The following ASH1L variants were observed in gnomAD, a reference collection of about 807,000 sequenced individuals.
ASH1L encodes histone-lysine N-methyltransferase ASH1L.
A neutral mutation model predicts 269.0 loss-of-function variants in ASH1L; 23 were observed. That is an observed-to-expected ratio of 0.09 (90% CI 0.06 to 0.12). ASH1L has a LOEUF of 0.12. Among genes scored for constraint, ASH1L ranks in the 10% least tolerant of loss-of-function variants. The probability of loss-of-function intolerance (pLI) is 1.00; values close to 1 mark genes in which losing one functional copy is unlikely to be tolerated. For synonymous variants in ASH1L, 1,187 were observed against 1,253.5 expected, an observed-to-expected ratio of 0.95 and a Z score of 1.12; for missense variants, 2,912 against 3,567.8, an observed-to-expected ratio of 0.82 and a Z score of 4.68.
At chr1:155,437,205 C>T (rs749116532) in intron 5 of ASH1L, among the ~76,000 whole-genome samples, 24 of 151,916 alleles carry the variant, frequency 1.6e-4, no homozygotes, top group African/African-American at 2.4e-4. Context: ...GCTTATATGC[C>T]GGTTAAGAGA....
intron 3 of ASH1L, among the ~76,000 whole-genome samples, chr1:155,476,203 G>C (rs1370572184): frequency 6.6e-6 from 1 of 151,992 alleles, no homozygotes. Flanking sequence ...TGGCTAACAC[G>C]GTGAAACCCT....
intron 4 of ASH1L, among the ~76,000 whole-genome samples, chr1:155,457,248 T>C (rs1663925535): frequency 6.6e-6 from 1 of 152,292 alleles, no homozygotes; most frequent in East Asian, 1.9e-4. Flanking sequence ...TTGTTAGAAA[T>C]TGTTCAGTAG....
chr1:155,533,945 T>C (rs576658571), intron 1 of ASH1L, among the ~76,000 whole-genome samples: 76 of 152,158 alleles, frequency 5.0e-4, no homozygotes, highest in Admixed American at 6.5e-4. Context: ...AAAATATGTT[T>C]TGAGAATTGT....
chr1:155,482,790 T>A (rs1487334031), intron 2 of ASH1L, among the ~76,000 whole-genome samples: 1 of 152,160 alleles, frequency 6.6e-6, no homozygotes, highest in Non-Finnish European at 1.5e-5. Flanking sequence ...ATGAAGCATA[T>A]GAAGTTACCA....
intron 12 of ASH1L, 34 bp from the exon 13 acceptor site, chr1:155,360,443 G>A: frequency 7.0e-7 from 1 of 1,431,204 alleles, no homozygotes. Context: ...ATAAAGGCTG[G>A]AAATTTTTTT....
At chr1:155,519,960 GTACAT>G (rs2148838657) in intron 2 of ASH1L, among the ~76,000 whole-genome samples, 1 of 152,154 alleles carries the variant, frequency 6.6e-6, no homozygotes, top group East Asian at 1.9e-4. Flanking sequence ...CGCCCGGCAA[GTACAT>G]TCGATATTAC....
chr1:155,543,509 CAAAA>C, intron 1 of ASH1L, among the ~76,000 whole-genome samples: 1 of 57,436 alleles, frequency 1.7e-5, no homozygotes, highest in Middle Eastern at 0.011. Context: ...GACTCTGTCT[CAAAA>C]AAAAAAAAAA....
At chr1:155,375,233 T>G (rs538417842) in intron 10 of ASH1L, among the ~76,000 whole-genome samples, 1 of 152,314 alleles carries the variant, frequency 6.6e-6, no homozygotes, top group African/African-American at 2.4e-5. Context: ...TTTTAAAAGA[T>G]TTCTTCCAGG....
At chr1:155,544,583 G>A (rs765229760) in intron 1 of ASH1L, among the ~76,000 whole-genome samples, 4 of 151,952 alleles carry the variant, frequency 2.6e-5, no homozygotes, top group Non-Finnish European at 4.4e-5. Context: ...CACCGTGCCC[G>A]GCCGAGAAAC....
chr1:155,481,075 C>T lies in ASH1L; in HGVS notation c.1795G>A (p.Val599Ile), dbSNP rs772357063. 1.9e-6 allele frequency: 3 copies of T among 1,614,064 alleles called. No individual in the cohort carries two copies. In the Admixed American group the frequency reaches 5.0e-5, roughly 27 times the overall value. The change falls in exon 3 of 28, where the codon GTT (valine) becomes ATT (isoleucine). Residue 599 changes from valine to isoleucine, a missense_variant. Coordinates refer to ENST00000392403, the MANE Select transcript of ASH1L (RefSeq NM_018489.3). ...TELIEEISES[V>I]GKNQFTSEST... ...TCAGAAGTAAACTGGTTCTTTCCAA[C>T]AGATTCAGAAATTTCTTCGATTAGT...
At position 155,338,271 on chromosome 1, in the gene ASH1L, G is replaced by A; in HGVS notation, c.8621C>T (p.Pro2874Leu). ...ASQEQAANEI[P>L]SLEEPEREGA... ...TTCCCGTTCTGGCTCCTCCAGGCTG[G>A]GTATCTCATTGGCTGCTTGCTCTTG... The change falls in exon 27 of 28, where the codon CCC becomes CTC. Residue 2874 changes from proline to leucine, a missense_variant. Physicochemically the swap from Pro to Leu is moderately conservative, Grantham distance 98. Transcript: ENST00000392403. The A allele has an allele frequency of 6.2e-7, 1 of 1,613,904 alleles. No individual in the cohort carries two copies. Among genetic ancestry groups the A allele is most frequent in the East Asian group, 2.2e-5 (1 of 44,868 alleles).
intron 7 of ASH1L, among the ~76,000 whole-genome samples, chr1:155,386,410 C>T (rs143415071): frequency 3.3e-5 from 5 of 151,872 alleles, no homozygotes; most frequent in Non-Finnish European, 4.4e-5. Flanking sequence ...TGTTTTGAGA[C>T]GGAGTCTTAC....
At chr1:155,397,618 CT>C (rs1286427462) in intron 6 of ASH1L, among the ~76,000 whole-genome samples, 1 of 152,050 alleles carries the variant, frequency 6.6e-6, no homozygotes, top group Non-Finnish European at 1.5e-5. Flanking sequence ...GTGGCATGAT[CT>C]TGGTTCACTG....
chr1:155,433,752 A>G (rs754990268), intron 5 of ASH1L: 6 of 1,604,212 alleles, frequency 3.7e-6, no homozygotes, highest in Middle Eastern at 1.6e-4. Context: ...GAGGGTCTGC[A>G]GCTTAGCTTC....
chr1:155,562,168 G>C lies in ASH1L; in HGVS notation c.-115C>G, dbSNP rs775868792. The C allele has an allele frequency of 2.5e-6, 4 of 1,592,506 alleles. No homozygotes were observed. Among genetic ancestry groups the C allele is most frequent in the Admixed American group, 3.4e-5 (2 of 59,258 alleles). On this transcript the variant is annotated 5_prime_UTR_variant, in exon 1 of 28. Transcript: ENST00000392403. ...TTCTACTCACCGTGTCGGAGGCCGA[G>C]GCCGAGGCCGAGAGCGATGAGAGTG... is the stretch of plus-strand genomic sequence containing the variant.
chr1:155,365,442 C>T (rs151338539), intron 12 of ASH1L, among the ~76,000 whole-genome samples: 1,501 of 146,040 alleles, frequency 0.01, 29 homozygotes, highest in African/African-American at 0.037. Context: ...AGGCTAGTCT[C>T]GAACTCCTGA....
At chr1:155,341,386 C>A (rs563220088) in intron 25 of ASH1L, among the ~76,000 whole-genome samples, 2 of 152,252 alleles carry the variant, frequency 1.3e-5, no homozygotes, top group African/African-American at 4.8e-5. Flanking sequence ...CCGTGTTAGC[C>A]AGGATGGTCT....
Position 155,335,729 on chromosome 1 carries a change from C to T in ASH1L, c.*1931G>A, listed in dbSNP as rs1652254820. On this transcript the variant is annotated 3_prime_UTR_variant, in exon 28 of 28. Transcript: ENST00000392403. ...AAGATAAAATGACAGAGCGTAGTGT[C>T]TTTTGCTTCTGTTCTCGCATTTTAC... 1.3e-5 allele frequency: 2 copies of T among 152,578 alleles called. No homozygotes were observed. Among genetic ancestry groups the T allele is most frequent in the South Asian group, 2.1e-4 (1 of 4,816 alleles). 9.5% of individuals were successfully genotyped at this position (152,578 alleles called of 1,614,324 possible). A position where few individuals can be genotyped will look rare whatever the true frequency, so the allele number is the denominator to read the frequency against.
rs1278998887 is a variant in ASH1L at position 155,562,472 on chromosome 1, G to A, written c.-419C>T. On this transcript the variant is annotated 5_prime_UTR_variant, in exon 1 of 28. Coordinates refer to ENST00000392403, the MANE Select transcript of ASH1L (RefSeq NM_018489.3). ...GCAGCAGAGTGGCGGCGGTGGCGGC[G>A]GCAGCTCCTCCAGAGGGAGGGAGCG... 6 of 1,462,654 alleles carry A rather than the reference G, an allele frequency of 4.1e-6. No homozygotes were observed. In the African/African-American group the frequency reaches 4.2e-5, roughly 10 times the overall value. The allele number at this position is 1,462,654 out of a possible 1,614,324, so 90.6% of individuals were successfully genotyped here. A position where few individuals can be genotyped will look rare whatever the true frequency, so the allele number is the denominator to read the frequency against.
Sources: allele counts gnomAD v4.1 joint callset (sites outside exome capture counted in the v4.1 genomes callset), GRCh38; gene constraint gnomAD v4.1.1; transcripts MANE v1.5; gene names NCBI Gene and HGNC (gene_info 2026-07-23, HGNC 2026-07-21).